Variants in RBMS3 observed in about 807,000 individuals in gnomAD.
RBMS3 encodes the protein RNA binding motif single stranded interacting protein 3, also known as RNA-binding motif, single-stranded-interacting protein 3.
In RBMS3, 27 loss-of-function variants were observed where a neutral mutation model predicts 66.8. The observed-to-expected ratio is 0.40, with a 90% CI of 0.30 to 0.56. The LOEUF (loss-of-function observed/expected upper bound fraction) is 0.56. RBMS3 is among the 20% of genes least tolerant of loss of function. The pLI, the probability that RBMS3 is intolerant of heterozygous loss-of-function variation, is 0.40. For synonymous variants in RBMS3, 188 were observed against 183.0 expected (o/e 1.03, Z -0.22); for missense variants, 513 against 549.5 (o/e 0.93, Z 0.66).
chr3:29,357,893 GTTGT>G (rs1314791756), intron 1 of RBMS3, among the ~76,000 whole-genome samples: 3 of 152,178 alleles, frequency 2.0e-5, no homozygotes, highest in African/African-American at 4.8e-5. Context: ...TTTTGATGGG[GTTGT>G]TTGTTTTTTT....
At chr3:29,388,614 G>A (rs35439137) in intron 1 of RBMS3, among the ~76,000 whole-genome samples, 18,975 of 152,144 alleles carry the variant, frequency 0.12, 1,480 homozygotes, top group South Asian at 0.2. Flanking sequence ...TTGCTCTGTC[G>A]CACAGGCTGG....
intron 2 of RBMS3, among the ~76,000 whole-genome samples, chr3:29,454,599 T>C (rs2042120702): frequency 6.6e-6 from 1 of 152,188 alleles, no homozygotes; most frequent in Admixed American, 6.5e-5. Flanking sequence ...ATTCCACATA[T>C]GTAATCACTT....
intron 1 of RBMS3, among the ~76,000 whole-genome samples, chr3:29,291,557 T>C (rs903002656): frequency 6.6e-6 from 1 of 151,862 alleles, no homozygotes; most frequent in African/African-American, 2.4e-5. Context: ...GGTGTTTCCC[T>C]AGGGCACCCT....
intron 1 of RBMS3, among the ~76,000 whole-genome samples, chr3:29,431,770 G>A (rs1001389733): frequency 5.3e-5 from 8 of 151,900 alleles, no homozygotes; most frequent in African/African-American, 1.7e-4. Flanking sequence ...CTGTTGCCCA[G>A]GCTAGAGTGC....
At chr3:29,858,584 G>T (rs1370965421) in intron 6 of RBMS3, among the ~76,000 whole-genome samples, 3 of 152,156 alleles carry the variant, frequency 2.0e-5, no homozygotes. Flanking sequence ...ATTTCTTGGT[G>T]TCAAAACATT....
At chr3:29,338,982 C>T (rs1476660033) in intron 1 of RBMS3, among the ~76,000 whole-genome samples, 1 of 152,132 alleles carries the variant, frequency 6.6e-6, no homozygotes, top group Non-Finnish European at 1.5e-5. Context: ...GTCTCTGCCA[C>T]TCTTGCTACT....
chr3:29,647,974 T>G (rs942807950), intron 4 of RBMS3, among the ~76,000 whole-genome samples: 7 of 152,170 alleles, frequency 4.6e-5, no homozygotes, highest in Admixed American at 4.6e-4. Context: ...ATATATGAAT[T>G]CCTGAAAGAC....
intron 4 of RBMS3, among the ~76,000 whole-genome samples, chr3:29,628,621 A>G (rs2049157255): frequency 6.6e-6 from 1 of 152,154 alleles, no homozygotes; most frequent in Non-Finnish European, 1.5e-5. Flanking sequence ...GTACCATTAT[A>G]TATGTACATT....
intron 4 of RBMS3, among the ~76,000 whole-genome samples, chr3:29,671,964 A>T (rs1340147833): frequency 2.6e-5 from 4 of 152,218 alleles, no homozygotes; most frequent in African/African-American, 4.8e-5. Flanking sequence ...GAATCAGAGC[A>T]ACCCCTAGAC....
At chr3:29,778,445 T>G (rs1429254661) in intron 6 of RBMS3, among the ~76,000 whole-genome samples, 1 of 150,332 alleles carries the variant, frequency 6.7e-6, no homozygotes, top group Non-Finnish European at 1.5e-5. Context: ...TTTTTTTTTG[T>G]GCAAGGGGAT....
intron 1 of RBMS3, among the ~76,000 whole-genome samples, chr3:29,358,598 T>C (rs2037370319): frequency 6.6e-6 from 1 of 152,214 alleles, no homozygotes; most frequent in Non-Finnish European, 1.5e-5. Context: ...CATTGGTAGC[T>C]TGATGGGGAT....
chr3:29,544,617 A>G (rs2045879559), intron 3 of RBMS3, among the ~76,000 whole-genome samples: 1 of 152,138 alleles, frequency 6.6e-6, no homozygotes, highest in Non-Finnish European at 1.5e-5. Flanking sequence ...GACTTTATAT[A>G]AGATTTCCAG....
chr3:29,471,767 A>C (rs1434435712), intron 2 of RBMS3, among the ~76,000 whole-genome samples: 2 of 118,346 alleles, frequency 1.7e-5, no homozygotes, highest in Non-Finnish European at 3.4e-5. Context: ...TATGGCTTTC[A>C]TATTGTGTCT....
intron 10 of RBMS3, among the ~76,000 whole-genome samples, chr3:29,915,026 T>C (rs1230134918): frequency 6.6e-6 from 1 of 151,794 alleles, no homozygotes; most frequent in Non-Finnish European, 1.5e-5. Flanking sequence ...AATTTAAAAG[T>C]CCACCGTTTA....
At chr3:29,917,787 G>A (rs2060676848) in intron 10 of RBMS3, among the ~76,000 whole-genome samples, 1 of 152,068 alleles carries the variant, frequency 6.6e-6, no homozygotes, top group South Asian at 2.1e-4. Flanking sequence ...ACTTAAGTGT[G>A]TGCAATATTT....
At chr3:29,610,497 GC>G (rs369282820) in intron 4 of RBMS3, among the ~76,000 whole-genome samples, 21 of 151,928 alleles carry the variant, frequency 1.4e-4, no homozygotes, top group African/African-American at 4.8e-4. Flanking sequence ...TTCACTTATC[GC>G]CCCTTCTTTG....
At chr3:30,001,888 C>T (rs1337603730) in intron 14 of RBMS3, among the ~76,000 whole-genome samples, 1 of 151,896 alleles carries the variant, frequency 6.6e-6, no homozygotes, top group African/African-American at 2.4e-5. Flanking sequence ...TAAAACCCTT[C>T]TGTTTTTAGG....
intron 1 of RBMS3, among the ~76,000 whole-genome samples, chr3:29,406,188 G>T (rs750820313): frequency 3.3e-5 from 5 of 152,160 alleles, no homozygotes; most frequent in Non-Finnish European, 1.5e-5. Flanking sequence ...TGCTCTTGAT[G>T]TGTTAAATGG....
chr3:29,698,666 C>G (rs1299444437), intron 4 of RBMS3: 1 of 967,456 alleles, frequency 1.0e-6, no homozygotes, highest in African/African-American at 1.8e-5. Flanking sequence ...TTCTCATTTG[C>G]TTTTTTTAAA....
Sources: gnomAD v4.1 joint callset for allele counts (sites outside exome capture counted in the v4.1 genomes callset) on GRCh38, gnomAD v4.1.1 for gene constraint, MANE v1.5 for transcripts, NCBI Gene and HGNC (gene_info 2026-07-23, HGNC 2026-07-21) for gene names.